Variants in TMPRSS11B observed in about 807,000 individuals in gnomAD.
TMPRSS11B encodes transmembrane protease serine 11B.
Under a neutral mutation model 44.7 loss-of-function variants are expected in TMPRSS11B, and 53 were observed. The observed-to-expected ratio is 1.19, with a 90% CI of 0.95 to 1.49. The LOEUF (loss-of-function observed/expected upper bound fraction) is 1.49. TMPRSS11B is among the 40% of genes most tolerant of loss of function. The pLI, the probability that TMPRSS11B is intolerant of heterozygous loss-of-function variation, is 0.00. For synonymous variants in TMPRSS11B, 140 were observed against 159.2 expected (o/e 0.88, Z 0.91); for missense variants, 526 against 494.8 (o/e 1.06, Z -0.60).
chr4:68,241,894 T>A, intron 1 of TMPRSS11B, 90 bp from the exon 2 acceptor site: 1 of 769,398 alleles, frequency 1.3e-6, no homozygotes. Context: ...TGAATTGTAG[T>A]TTATACATTA....
At position 68,232,411 on chromosome 4, in the gene TMPRSS11B, T is replaced by C; in HGVS notation, c.475A>G (p.Ser159Gly). The change falls in exon 6 of 10, where the codon AGC becomes GGC. Residue 159 changes from serine (S) to glycine (G), a missense_variant. By Grantham distance (56) the Ser-to-Gly change is moderately conservative (BLOSUM62 0). Transcript: ENST00000332644. The stretch of plus-strand genomic sequence containing the variant: ...GTAAGCATTTCAGAAGCAGCCTTGC[T>C]GATTTCTGAAAGTGAAAAACAAAAC... ...VPASIKLMEI[S>G]KAASEMLTNN... 6.2e-7 allele frequency: 1 copy of C among 1,611,828 alleles called. No individual in the cohort carries two copies. The highest frequency in any genetic ancestry group is 8.5e-7 in the Non-Finnish European group (1 of 1,178,964).
chr4:68,229,539 A>G (rs770088646), intron 7 of TMPRSS11B, 23 bp from the exon 8 acceptor site: 13 of 1,597,638 alleles, frequency 8.1e-6, no homozygotes, highest in African/African-American at 1.3e-5. Context: ...ATGTAATTAG[A>G]ATACACTCAG....
chr4:68,233,013 A>G (rs1719561314), intron 5 of TMPRSS11B, among the ~76,000 whole-genome samples: 1 of 152,136 alleles, frequency 6.6e-6, no homozygotes, highest in African/African-American at 2.4e-5. Flanking sequence ...CTTTAGGGAA[A>G]TCTCCTTACT....
In TMPRSS11B at chr4:68,229,455, T is replaced by C. The variant is rs1216794728; in HGVS notation, c.748A>G (p.Thr250Ala). ...FGIVVNKPYM[T>A]RKVQNIIFHE... ...AAAATAATGTTTTGGACTTTCCGTG[T>C]CATATATGGTTTATTTACTACAATT... The change falls in exon 8 of 10, where the codon ACA (threonine) becomes GCA (alanine). Residue 250 changes from threonine (T) to alanine (A), a missense_variant. Coordinates refer to ENST00000332644, the MANE Select transcript of TMPRSS11B (RefSeq NM_182502.3). 1.2e-6 allele frequency: 2 copies of C among 1,613,550 alleles called. No individual in the cohort carries two copies. The highest frequency in any genetic ancestry group is 1.7e-5 in the Admixed American group (1 of 59,952).
intron 4 of TMPRSS11B, among the ~76,000 whole-genome samples, chr4:68,235,609 G>A (rs898234925): frequency 2.1e-4 from 32 of 152,164 alleles, no homozygotes; most frequent in Admixed American, 6.5e-5. Flanking sequence ...AAAATAGGAT[G>A]TTTTTAGGGA....
chr4:68,227,128 T>G lies in TMPRSS11B; in HGVS notation c.*783A>C, dbSNP rs1719372641. 3.3e-5 allele frequency: 5 copies of G among 152,192 alleles called. No homozygotes were observed. 9.4% of individuals were successfully genotyped at this position (152,192 alleles called of 1,614,324 possible). On this transcript the variant is annotated 3_prime_UTR_variant, in exon 10 of 10. Transcript: ENST00000332644. ...CCTTCTTCACTGCAAGATTGCATGA[T>G]TTTGTGAGGTACATGAATCATTTCA...
At chr4:68,239,397 A>G (rs544669562) in intron 2 of TMPRSS11B, among the ~76,000 whole-genome samples, 14 of 152,326 alleles carry the variant, frequency 9.2e-5, no homozygotes, top group African/African-American at 3.4e-4. Context: ...CCAGCTATTT[A>G]GAAGCCAGGA....
chr4:68,227,470 C>A lies in TMPRSS11B; in HGVS notation c.*441G>T, dbSNP rs547955977. 2 of 133,948 alleles carry A rather than the reference C, an allele frequency of 1.5e-5. No homozygotes were observed. The highest frequency in any genetic ancestry group is 4.8e-4 in the South Asian group (2 of 4,154). The allele number at this position is 133,948 out of a possible 1,614,324, so 8.3% of individuals were successfully genotyped here. A position where few individuals can be genotyped will look rare whatever the true frequency, so the allele number is the denominator to read the frequency against. On this transcript the variant is annotated 3_prime_UTR_variant, in exon 10 of 10. Coordinates refer to ENST00000332644, the MANE Select transcript of TMPRSS11B (RefSeq NM_182502.3). ...TGCCCAGGCTGGAGTGCAGTGGTGGCGCAATCACAAATCACCACAGCCTCA... is the reference window on the plus strand; with the variant it reads ...TGCCCAGGCTGGAGTGCAGTGGTGGAGCAATCACAAATCACCACAGCCTCA...
chr4:68,243,595 A>G (rs546295057), intron 1 of TMPRSS11B, among the ~76,000 whole-genome samples: 1 of 152,212 alleles, frequency 6.6e-6, no homozygotes, highest in East Asian at 1.9e-4. Context: ...CTCACAGAAA[A>G]AAGTCTACTC....
chr4:68,228,641 C>T, intron 9 of TMPRSS11B, 101 bp downstream of exon 9: 1 of 1,169,438 alleles, frequency 8.6e-7, no homozygotes, highest in South Asian at 1.6e-5. Flanking sequence ...AAATACAAAG[C>T]TACTATGTCA....
At chr4:68,233,642 A>G (rs1577976901) in intron 5 of TMPRSS11B, among the ~76,000 whole-genome samples, 2 of 152,212 alleles carry the variant, frequency 1.3e-5, no homozygotes, top group African/African-American at 2.4e-5. Flanking sequence ...TTTTACCAAT[A>G]GGAAAAAGAT....
chr4:68,233,276 C>T (rs887691326), intron 5 of TMPRSS11B, among the ~76,000 whole-genome samples: 2 of 152,046 alleles, frequency 1.3e-5, no homozygotes, highest in African/African-American at 4.8e-5. Flanking sequence ...GTAACGGGGT[C>T]TTTATTGTGT....
intron 2 of TMPRSS11B, among the ~76,000 whole-genome samples, chr4:68,237,139 T>A (rs1160707561): frequency 6.6e-6 from 1 of 152,042 alleles, no homozygotes; most frequent in Non-Finnish European, 1.5e-5. Context: ...CCTCCCTGTG[T>A]CCATGTGTTT....
chr4:68,241,485 C>CTCATACTTG (rs1194265585), intron 2 of TMPRSS11B, among the ~76,000 whole-genome samples: 2 of 151,926 alleles, frequency 1.3e-5, no homozygotes. Flanking sequence ...TTGCTCATAC[C>CTCATACTTG]CCCATAGTTA....
In TMPRSS11B at chr4:68,229,252, C is replaced by T. The variant is rs1044863243; in HGVS notation, c.946+5G>A. ...CAGCTATTATGATTTTACAAAAAAA[C>T]TTACCATTCATATAAAGTGTTCCCC... On this transcript the variant is annotated splice_donor_5th_base_variant and intron_variant, in intron 8 of 9. Coordinates refer to ENST00000332644, the MANE Select transcript of TMPRSS11B (RefSeq NM_182502.3). 2 of 1,582,018 alleles carry T rather than the reference C, an allele frequency of 1.3e-6. No homozygotes were observed. The highest frequency in any genetic ancestry group is 1.9e-5 in the Admixed American group (1 of 53,842).
intron 6 of TMPRSS11B, 42 bp downstream of exon 6, chr4:68,232,336 T>C (rs1719538857): frequency 1.3e-6 from 2 of 1,571,872 alleles, no homozygotes; most frequent in Admixed American, 1.7e-5. Flanking sequence ...AGAAAATACC[T>C]GTGAGTCCAT....
chr4:68,228,768 T>C lies in TMPRSS11B; in HGVS notation c.1063A>G (p.Met355Val), dbSNP rs1719423877. 2 of 1,612,672 alleles carry C rather than the reference T, an allele frequency of 1.2e-6. No individual in the cohort carries two copies. Among genetic ancestry groups the C allele is most frequent in the Non-Finnish European group, 1.7e-6 (2 of 1,179,516 alleles). Residue 355 changes from methionine (M) to valine (V), a missense_variant, in exon 9 of 10, where the codon ATG becomes GTG. By Grantham distance (21) the Met-to-Val change is conservative. Transcript: ENST00000332644. ...VTDTMLCAGF[M>V]SGEADACQND... The stretch of plus-strand genomic sequence containing the variant: ...TGACATGCATCAGCTTCTCCTGACA[T>C]AAATCCAGCACATAACATTGTATCA...
chr4:68,234,250 C>T (rs1286990864), intron 5 of TMPRSS11B, among the ~76,000 whole-genome samples: 3 of 152,052 alleles, frequency 2.0e-5, no homozygotes, highest in African/African-American at 7.2e-5. Context: ...TACATCCATG[C>T]TTGCAGTGTA....
Position 68,234,581 on chromosome 4 carries a change from G to C in TMPRSS11B, c.351C>G (p.Phe117Leu). 6.2e-7 allele frequency: 1 copy of C among 1,613,898 alleles called. No individual in the cohort carries two copies. Among genetic ancestry groups the C allele is most frequent in the Non-Finnish European group, 8.5e-7 (1 of 1,179,944 alleles). ...TAACTCCTTCTGCTGGAGGAAACTT[G>C]AATTTCAGCTGTAACTGCACATTTG... is the stretch of plus-strand genomic sequence containing the variant. ...NGSNVQLQLK[F>L]KFPPAEGVSM... is the part of the protein sequence containing the mutation. The change falls in exon 5 of 10, where the codon TTC (phenylalanine) becomes TTG (leucine). Residue 117 changes from phenylalanine (F) to leucine (L), a missense_variant. Coordinates refer to ENST00000332644, the MANE Select transcript of TMPRSS11B (RefSeq NM_182502.3).
Sources: allele counts gnomAD v4.1 joint callset (sites outside exome capture counted in the v4.1 genomes callset), GRCh38; gene constraint gnomAD v4.1.1; transcripts MANE v1.5; gene names NCBI Gene and HGNC (gene_info 2026-07-23, HGNC 2026-07-21).